Variants in MYO18A observed in about 807,000 individuals in gnomAD.
MYO18A encodes the protein unconventional myosin-XVIIIa.
MYO18A carries 78 observed loss-of-function variants against 235.8 expected under a neutral mutation model. That is an observed-to-expected ratio of 0.33 (90% CI 0.28 to 0.40). The LOEUF is 0.40. Among genes scored for constraint, MYO18A ranks in the 10% least tolerant of loss-of-function variants. The probability of loss-of-function intolerance (pLI) is 1.00; values close to 1 mark genes in which losing one functional copy is unlikely to be tolerated. For missense variants in MYO18A, 2,215 were observed against 2,699.3 expected (o/e 0.82, Z 3.98); for synonymous variants, 977 against 1,077.8 (o/e 0.91, Z 1.83).
intron 2 of MYO18A, among the ~76,000 whole-genome samples, chr17:29,148,328 A>G (rs947331891): frequency 6.6e-6 from 1 of 152,224 alleles, no homozygotes; most frequent in Admixed American, 6.5e-5. Flanking sequence ...AAGTGTCAAT[A>G]ATAGAACTAT....
chr17:29,171,585 T>C (rs1425021148), intron 1 of MYO18A, among the ~76,000 whole-genome samples: 1 of 152,154 alleles, frequency 6.6e-6, no homozygotes, highest in African/African-American at 2.4e-5. Context: ...TACTTTGAGA[T>C]GTGTAAAATT....
At chr17:29,152,254 C>A (rs562814561) in intron 2 of MYO18A, among the ~76,000 whole-genome samples, 32 of 152,282 alleles carry the variant, frequency 2.1e-4, no homozygotes, top group African/African-American at 7.2e-4. Context: ...AATGGGCTGT[C>A]AGGAGCAAGA....
chr17:29,108,849 G>A (rs1010318858), intron 19 of MYO18A, among the ~76,000 whole-genome samples: 3 of 152,146 alleles, frequency 2.0e-5, no homozygotes, highest in Non-Finnish European at 1.5e-5. Context: ...GGGAAGGGGG[G>A]CCTGCCGCTG....
intron 15 of MYO18A, among the ~76,000 whole-genome samples, chr17:29,113,254 G>A (rs765916044): frequency 4.6e-5 from 7 of 152,362 alleles, no homozygotes; most frequent in Admixed American, 2.6e-4. Flanking sequence ...GGGCCTCATG[G>A]CAGAGAAGAG....
Position 29,074,633 on chromosome 17 carries a change from T to C in MYO18A, c.*137A>G. The C allele has an allele frequency of 2.1e-6, 2 of 939,648 alleles. No homozygotes were observed. The highest frequency in any genetic ancestry group is 3.3e-6 in the Non-Finnish European group (2 of 605,602). The allele number at this position is 939,648 out of a possible 1,614,324, so 58.2% of individuals were successfully genotyped here. Reference sequence around the variant, plus strand: ...ACACCCATAGCCTGGAAAGTGCCCCTGACAGAAGAAGGTCAGGGTGTTTCC... The same window carrying C: ...ACACCCATAGCCTGGAAAGTGCCCCCGACAGAAGAAGGTCAGGGTGTTTCC... On this transcript the variant is annotated 3_prime_UTR_variant, in exon 42 of 42. Transcript: ENST00000527372. The surrounding 1 kb of genome is among the most constrained non-coding windows in gnomAD (Gnocchi z 4.4).
Position 29,092,967 on chromosome 17 carries a change from A to G in MYO18A, c.4961T>C (p.Leu1654Pro). Reference sequence around the variant, plus strand: ...CTTGGTGCGCTTCAGGTCCTTCCGCAGCCGCTTCTCTGACTCAAAGTCCCG... The same window carrying G: ...CTTGGTGCGCTTCAGGTCCTTCCGCGGCCGCTTCTCTGACTCAAAGTCCCG... Reference protein sequence around the residue: ...NRRDFESEKRLRKDLKRTKAL... With the variant: ...NRRDFESEKRPRKDLKRTKAL... The change falls in exon 33 of 42, where the codon CTG becomes CCG. Residue 1654 changes from leucine (L) to proline (P), a missense_variant. Coordinates refer to ENST00000527372, the MANE Select transcript of MYO18A (RefSeq NM_078471.4). 1 of 1,613,666 alleles carries G rather than the reference A, an allele frequency of 6.2e-7. No homozygotes were observed. The highest frequency in any genetic ancestry group is 8.5e-7 in the Non-Finnish European group (1 of 1,179,864).
intron 2 of MYO18A, among the ~76,000 whole-genome samples, chr17:29,130,299 CAAAAAA>C (rs564370108): frequency 4.3e-4 from 24 of 55,936 alleles, no homozygotes; most frequent in African/African-American, 8.0e-4. Flanking sequence ...AACCCTGTCT[CAAAAAA>C]AAAAAAAAAA....
intron 40 of MYO18A, among the ~76,000 whole-genome samples, chr17:29,083,984 A>G (rs886471213): frequency 6.6e-6 from 1 of 152,272 alleles, no homozygotes; most frequent in Admixed American, 6.5e-5. Flanking sequence ...TACTGCTTTC[A>G]TTAAGGTTAT....
chr17:29,081,882 A>G (rs2152722773), intron 41 of MYO18A, among the ~76,000 whole-genome samples: 1 of 152,306 alleles, frequency 6.6e-6, no homozygotes, highest in African/African-American at 2.4e-5. Flanking sequence ...ATGTGCCTGT[A>G]ACTGGGTCAA....
chr17:29,107,830 C>G (rs895466117), intron 19 of MYO18A, among the ~76,000 whole-genome samples: 2 of 150,638 alleles, frequency 1.3e-5, no homozygotes, highest in Non-Finnish European at 2.9e-5. Context: ...GCAGAAGAAT[C>G]GCTTGAACTC....
Position 29,119,383 on chromosome 17 carries a change from G to A in MYO18A, c.1781C>T (p.Thr594Ile), listed in dbSNP as rs745679843. 30 of 1,612,558 alleles carry A rather than the reference G, an allele frequency of 1.9e-5. No individual in the cohort carries two copies. The highest frequency in any genetic ancestry group is 2.7e-5 in the African/African-American group (2 of 74,876). The change falls in exon 8 of 42, where the codon ACA becomes ATA. Residue 594 changes from threonine (T) to isoleucine (I), a missense_variant. Transcript: ENST00000527372. ...CAGCAGGTAGTAGAAGACGTTGAAT[G>A]TGGCTTCACTGGCTGGGCGCCGAGC... is the stretch of plus-strand genomic sequence containing the variant. ...RVARRPASEA[T>I]FNVFYYLLAC...
chr17:29,111,733 C>G lies in MYO18A; in HGVS notation c.2729G>C (p.Gly910Ala). The G allele has an allele frequency of 1.2e-6, 2 of 1,613,408 alleles. No individual in the cohort carries two copies. Among genetic ancestry groups the G allele is most frequent in the Non-Finnish European group, 1.7e-6 (2 of 1,179,644 alleles). ...RLFSYYGPQE[G>A]DKKGQSPLLH... is the part of the protein sequence containing the mutation. ...GGGATGCCACCTACCTTTTTTGTCA[C>G]CTTCCTGGGGGCCATAATAGGAGAA... is the stretch of plus-strand genomic sequence containing the variant. Residue 910 changes from glycine to alanine, a missense_variant, in exon 16 of 42, where the codon GGT becomes GCT. Coordinates refer to ENST00000527372, the MANE Select transcript of MYO18A (RefSeq NM_078471.4). The surrounding 1 kb of genome is among the most constrained non-coding windows in gnomAD (Gnocchi z 5.1).
At chr17:29,119,553 ATTTTTTT>A (rs11349517) in intron 7 of MYO18A, 118 bp from the exon 8 acceptor site, 3 of 433,510 alleles carry the variant, frequency 6.9e-6, no homozygotes, top group Non-Finnish European at 8.0e-6. Context: ...AAGCAGCTGC[ATTTTTTT>A]TTTTTTTTTT....
chr17:29,142,906 C>T (rs1283072461), intron 2 of MYO18A, among the ~76,000 whole-genome samples: 1 of 152,258 alleles, frequency 6.6e-6, no homozygotes, highest in African/African-American at 2.4e-5. Flanking sequence ...CTCCCAGGTT[C>T]AAGCGATTCT....
chr17:29,084,226 T>C (rs1185257604), intron 40 of MYO18A, among the ~76,000 whole-genome samples: 1 of 152,164 alleles, frequency 6.6e-6, no homozygotes, highest in Non-Finnish European at 1.5e-5. Context: ...TGTGTGTGCA[T>C]GCCTGGCAGT....
rs372683692 is a variant in MYO18A, at chr17:29,115,343, G to A, written c.2318+8C>T. 7.4e-6 allele frequency: 12 copies of A among 1,613,658 alleles called. No homozygotes were observed. In the African/African-American group the frequency reaches 1.6e-4, roughly 22 times the overall value. ...CAGGAAAAGCCCTGGGTCCTGCCTG[G>A]CACTCACCTATTCACCAGGGAGACG... On this transcript the variant is annotated splice_region_variant and intron_variant, in intron 13 of 41. Transcript: ENST00000527372.
At chr17:29,075,619 G>A (rs2065954758) in intron 41 of MYO18A, 1 of 166,632 alleles carries the variant, frequency 6.0e-6, no homozygotes, top group South Asian at 2.1e-4. Flanking sequence ...GGCTCTGGAG[G>A]CCTCCAGCTA....
At chr17:29,091,036 T>G in intron 34 of MYO18A, 110 bp from the exon 35 acceptor site, 1 of 850,666 alleles carries the variant, frequency 1.2e-6, no homozygotes, top group Middle Eastern at 2.9e-4. Context: ...GGGCTGAGCC[T>G]GCCTGCTGGG....
At position 29,119,429 on chromosome 17, in the gene MYO18A, G is replaced by A. The variant is rs1408058172; in HGVS notation, c.1735C>T (p.Leu579Phe). The A allele has an allele frequency of 4.3e-6, 7 of 1,609,346 alleles. No homozygotes were observed. Among genetic ancestry groups the A allele is most frequent in the Non-Finnish European group, 2.5e-6 (3 of 1,178,286 alleles). The change falls in exon 8 of 42, where the codon CTT becomes TTT. Residue 579 changes from leucine to phenylalanine, a missense_variant. Physicochemically the swap from Leu to Phe is conservative, Grantham distance 22. Coordinates refer to ENST00000527372, the MANE Select transcript of MYO18A (RefSeq NM_078471.4). ...CGAGCCACACGCAGCTTCTCCAGAA[G>A]CATTGTCTGTGACACAGCATGGACG... ...QVASASIQTM[L>F]LEKLRVARRP...
Sources: gnomAD v4.1 joint callset for allele counts (sites outside exome capture counted in the v4.1 genomes callset) on GRCh38, gnomAD v4.1.1 for gene constraint, Gnocchi (gnomAD v3.1) non-coding constraint, MANE v1.5 for transcripts, NCBI Gene and HGNC (gene_info 2026-07-23, HGNC 2026-07-21) for gene names.